ACOT7: variants seen among roughly 807,000 people sequenced by gnomAD.
ACOT7 encodes the protein cytosolic acyl coenzyme A thioester hydrolase.
In ACOT7, 12 loss-of-function variants were observed where a neutral mutation model predicts 40.2. That is an observed-to-expected ratio of 0.30 (90% CI 0.19 to 0.48). The LOEUF is 0.48. ACOT7 is among the 20% of genes least tolerant of loss of function. The pLI, the probability that ACOT7 is intolerant of heterozygous loss-of-function variation, is 0.99. For missense variants in ACOT7, 395 were observed against 530.8 expected (o/e 0.74, Z 2.51); for synonymous variants, 228 against 219.5 (o/e 1.04, Z -0.34).
chr1:6,372,219 C>T (rs1340526575), intron 1 of ACOT7, among the ~76,000 whole-genome samples: 10 of 152,312 alleles, frequency 6.6e-5, no homozygotes, highest in African/African-American at 1.2e-4. Flanking sequence ...GTTAGCTTCA[C>T]GCTTTTCCTC....
chr1:6,376,794 G>T (rs1642241732), intron 1 of ACOT7, among the ~76,000 whole-genome samples: 1 of 151,524 alleles, frequency 6.6e-6, no homozygotes, highest in Non-Finnish European at 1.5e-5. Flanking sequence ...TACTCGGGAG[G>T]CTGAGGCAGG....
At chr1:6,292,278 G>A (rs762706704) in intron 7 of ACOT7, among the ~76,000 whole-genome samples, 8 of 152,284 alleles carry the variant, frequency 5.3e-5, no homozygotes, top group Non-Finnish European at 1.2e-4. Context: ...CCACAGCCGA[G>A]ACGAGGTGGG....
intron 6 of ACOT7, among the ~76,000 whole-genome samples, chr1:6,296,764 G>C (rs899486775): frequency 6.6e-6 from 1 of 152,156 alleles, no homozygotes; most frequent in East Asian, 1.9e-4. Flanking sequence ...CAGAGATGGG[G>C]TCTTGCTATA....
At chr1:6,298,825 A>G (rs1186138207) in intron 6 of ACOT7, among the ~76,000 whole-genome samples, 3 of 152,230 alleles carry the variant, frequency 2.0e-5, no homozygotes, top group African/African-American at 7.2e-5. Context: ...CCAGGTCCCT[A>G]GCCCAGGACG....
At chr1:6,327,586 G>A (rs969591013) in intron 4 of ACOT7, among the ~76,000 whole-genome samples, 173 bp from the exon 5 acceptor site, 1 of 152,128 alleles carries the variant, frequency 6.6e-6, no homozygotes, top group African/African-American at 2.4e-5. Context: ...ATCCCATGTG[G>A]CTCCACTCCC....
intron 2 of ACOT7, among the ~76,000 whole-genome samples, chr1:6,341,273 C>G (rs1422630039): frequency 6.6e-6 from 1 of 151,544 alleles, no homozygotes; most frequent in African/African-American, 2.4e-5. Flanking sequence ...TCCTGAGTAG[C>G]TGGGATTACA....
chr1:6,306,684 C>G lies in ACOT7; in HGVS notation c.713-11704G>C, dbSNP rs935851214. 5 of 985,300 alleles carry G rather than the reference C, an allele frequency of 5.1e-6. No homozygotes were observed. The highest frequency in any genetic ancestry group is 6.0e-6 in the Non-Finnish European group (5 of 829,924). 61.0% of individuals were successfully genotyped at this position (985,300 alleles called of 1,614,324 possible). On this transcript the variant is annotated intron_variant, in intron 6 of 8. Transcript: ENST00000361521. The surrounding 1 kb of genome is among the most constrained non-coding windows in gnomAD (Gnocchi z 4.3). Reference sequence around the variant, plus strand: ...CGTCCCAAAGCATTTGTTTGTTCACCTCTTGATCCCCCTAGACCAGAAGTT... The same window carrying G: ...CGTCCCAAAGCATTTGTTTGTTCACGTCTTGATCCCCCTAGACCAGAAGTT...
intron 1 of ACOT7, among the ~76,000 whole-genome samples, chr1:6,376,728 A>G (rs1427114838): frequency 1.0e-5 from 1 of 96,634 alleles, no homozygotes; most frequent in Non-Finnish European, 2.0e-5. Context: ...ACTCCATCCC[A>G]AAAAAAAAAA....
intron 8 of ACOT7, among the ~76,000 whole-genome samples, chr1:6,279,401 G>A (rs184287009): frequency 6.6e-6 from 1 of 152,340 alleles, no homozygotes; most frequent in East Asian, 1.9e-4. Context: ...CAGCCCTGAT[G>A]GGGCAGGAGG....
intron 8 of ACOT7, among the ~76,000 whole-genome samples, chr1:6,269,360 G>C (rs991631028): frequency 1.4e-4 from 21 of 152,176 alleles, no homozygotes; most frequent in African/African-American, 4.8e-4. Context: ...CCCGGCCCTC[G>C]GCACAGCCTA....
At chr1:6,353,579 G>A (rs1429907041) in intron 1 of ACOT7, among the ~76,000 whole-genome samples, 1 of 151,908 alleles carries the variant, frequency 6.6e-6, no homozygotes, top group Non-Finnish European at 1.5e-5. Context: ...GGTTGCAGTG[G>A]GCTGAGATCA....
intron 2 of ACOT7, among the ~76,000 whole-genome samples, chr1:6,346,795 G>A (rs191564105): frequency 5.1e-4 from 78 of 152,210 alleles, no homozygotes; most frequent in Non-Finnish European, 9.3e-4. Flanking sequence ...TGGGCCTGGG[G>A]GTTGTGCTCA....
chr1:6,350,388 C>A (rs575682546), intron 1 of ACOT7, among the ~76,000 whole-genome samples: 1 of 152,228 alleles, frequency 6.6e-6, no homozygotes, highest in Non-Finnish European at 1.5e-5. Flanking sequence ...CTGCCCACTG[C>A]GCGCTAAGCT....
At chr1:6,385,533 C>G (rs1421999768) in intron 1 of ACOT7, 2 of 1,612,366 alleles carry the variant, frequency 1.2e-6, no homozygotes, top group Non-Finnish European at 1.7e-6. Context: ...GAGATCAGCC[C>G]TGGGCCCAAC....
At chr1:6,337,687 C>G (rs1010501182) in intron 3 of ACOT7, among the ~76,000 whole-genome samples, 2 of 152,062 alleles carry the variant, frequency 1.3e-5, no homozygotes, top group African/African-American at 4.8e-5. Context: ...TCATCCCAAA[C>G]TGCTCGGCTG....
intron 5 of ACOT7, among the ~76,000 whole-genome samples, chr1:6,319,329 A>G (rs1324628956): frequency 6.6e-6 from 1 of 152,140 alleles, no homozygotes; most frequent in African/African-American, 2.4e-5. Flanking sequence ...AGTAGCTGGG[A>G]TTACAGGCAT....
chr1:6,331,826 G>A (rs554722863), intron 4 of ACOT7, among the ~76,000 whole-genome samples: 46 of 152,218 alleles, frequency 3.0e-4, no homozygotes, highest in Non-Finnish European at 5.9e-4. Context: ...ACCCCACCCA[G>A]ACCTTCACTG....
In ACOT7 at chr1:6,393,450, G is replaced by T. The variant is rs1447989229; in HGVS notation, c.-51C>A. 1.9e-6 allele frequency: 2 copies of T among 1,062,564 alleles called. No homozygotes were observed. The highest frequency in any genetic ancestry group is 1.1e-6 in the Non-Finnish European group (1 of 905,066). The allele number at this position is 1,062,564 out of a possible 1,614,324, so 65.8% of individuals were successfully genotyped here. ...ATGGGGCTGGTGAGGCGGGGCCTGC[G>T]CGCCGGGGGCAATCGAACGCGGCCT... On this transcript the variant is annotated 5_prime_UTR_variant, in exon 1 of 9. Transcript: ENST00000361521.
chr1:6,337,215 G>A (rs960775262), intron 3 of ACOT7, among the ~76,000 whole-genome samples: 1 of 152,228 alleles, frequency 6.6e-6, no homozygotes, highest in South Asian at 2.1e-4. Context: ...GAAGGCCGAG[G>A]GCTGTGGTGG....
Sources: allele counts gnomAD v4.1 joint callset (sites outside exome capture counted in the v4.1 genomes callset), GRCh38; gene constraint gnomAD v4.1.1; non-coding constraint Gnocchi (gnomAD v3.1); transcripts MANE v1.5; gene names NCBI Gene and HGNC (gene_info 2026-07-23, HGNC 2026-07-21).